PDZD2: variants seen among roughly 807,000 people sequenced by gnomAD.
PDZD2 encodes PDZ domain containing 2.
PDZD2 carries 90 observed loss-of-function variants against 220.7 expected under a neutral mutation model. The observed-to-expected ratio is 0.41, with a 90% CI of 0.34 to 0.49. The LOEUF (loss-of-function observed/expected upper bound fraction) is 0.49, where lower values mean the gene tolerates loss of function less well. Among genes scored for constraint, PDZD2 ranks in the 20% least tolerant of loss-of-function variants. PDZD2 has a pLI of 0.28. For synonymous variants in PDZD2, 1,375 were observed against 1,450.5 expected (o/e 0.95, Z 1.18); for missense variants, 3,174 against 3,608.5 (o/e 0.88, Z 3.08).
chr5:31,981,316 A>G (rs1410296259), intron 2 of PDZD2, among the ~76,000 whole-genome samples: 1 of 151,990 alleles, frequency 6.6e-6, no homozygotes, highest in Non-Finnish European at 1.5e-5. Context: ...TCTCTCCTTT[A>G]ATTAGACAGT....
intron 5 of PDZD2, among the ~76,000 whole-genome samples, chr5:32,007,536 A>G (rs1561330560): frequency 6.6e-6 from 1 of 152,298 alleles, no homozygotes; most frequent in South Asian, 2.1e-4. Context: ...ATCTTCAGGT[A>G]CTTTGAAGGT....
rs1273544773 is a variant in PDZD2, at chr5:32,107,854, A to ATT, written c.8354-114_8354-113dup. 31 of 579,920 alleles carry ATT rather than the reference A, an allele frequency of 5.3e-5. No homozygotes were observed. The East Asian group carries it at 9.2e-4, about 17-fold the overall frequency. The allele number at this position is 579,920 out of a possible 1,614,324, so 35.9% of individuals were successfully genotyped here. On this transcript the variant is annotated intron_variant, in intron 24 of 24. Coordinates refer to ENST00000438447, the MANE Select transcript of PDZD2 (RefSeq NM_178140.4). ...TTTGTGTTCTAAGAAATATTTCTCT[A>ATT]TTCAATAATATATTATTTAGATATT...
chr5:31,868,425 G>A (rs1489473805), intron 2 of PDZD2, among the ~76,000 whole-genome samples: 4 of 152,120 alleles, frequency 2.6e-5, no homozygotes, highest in African/African-American at 9.7e-5. Context: ...CAGCCTGGAC[G>A]ACAGAGCGAG....
chr5:31,824,326 T>A (rs902515733), intron 2 of PDZD2, among the ~76,000 whole-genome samples: 1 of 152,224 alleles, frequency 6.6e-6, no homozygotes, highest in African/African-American at 2.4e-5. Flanking sequence ...TTTGTGGTAA[T>A]TTGTTACGTA....
chr5:31,864,757 T>C (rs1392707441), intron 2 of PDZD2, among the ~76,000 whole-genome samples: 1 of 150,636 alleles, frequency 6.6e-6, no homozygotes, highest in African/African-American at 2.4e-5. Context: ...CCTCAGGTGA[T>C]CTCACCTCAG....
At chr5:31,809,495 G>A (rs10940968) in intron 2 of PDZD2, among the ~76,000 whole-genome samples, 4 of 151,906 alleles carry the variant, frequency 2.6e-5, no homozygotes, top group African/African-American at 9.7e-5. Context: ...CTCAGGAGTC[G>A]CACTAATGAA....
rs538546776 is a variant in PDZD2 at position 31,920,285 on chromosome 5, AAAATAAATAAAAAT to A, written c.477-62858_477-62845del. ...GGTAACAGAGTGAGACCCGGTTTCAAAAATAAATAAAAATAAATAAATAAATAATTTTTTCTGAG... is the reference window on the plus strand; with the variant it reads ...GGTAACAGAGTGAGACCCGGTTTCAAAAATAAATAAATAATTTTTTCTGAG... On this transcript the variant is annotated intron_variant, in intron 2 of 24. Coordinates refer to ENST00000438447, the MANE Select transcript of PDZD2 (RefSeq NM_178140.4). Among the ~76,000 whole-genome samples, 28 of 84,582 alleles carry A rather than the reference AAAATAAATAAAAAT, an allele frequency of 3.3e-4. No homozygotes were observed. The South Asian group carries it at 0.011, about 33-fold the overall frequency. 55.5% of individuals were successfully genotyped at this position (84,582 alleles called of 152,430 possible).
intron 6 of PDZD2, among the ~76,000 whole-genome samples, chr5:32,022,638 C>G (rs1309674136): frequency 6.6e-6 from 1 of 152,056 alleles, no homozygotes; most frequent in Non-Finnish European, 1.5e-5. Context: ...TGGCATTTGA[C>G]TATTCCATAG....
chr5:32,062,063 A>G (rs1408671827), intron 14 of PDZD2, among the ~76,000 whole-genome samples: 3 of 152,170 alleles, frequency 2.0e-5, no homozygotes, highest in Non-Finnish European at 4.4e-5. Context: ...GCCCCACGTT[A>G]GATACTTTTA....
At chr5:32,086,980 C>T (rs115136232) in intron 19 of PDZD2, 151 bp from the exon 20 acceptor site, 55,999 of 567,198 alleles carry the variant, frequency 0.099, 3,436 homozygotes, top group Middle Eastern at 0.19. Flanking sequence ...TGCGCCACCA[C>T]GCCCAGCTTT....
chr5:31,721,780 G>T (rs2150148098), intron 1 of PDZD2, among the ~76,000 whole-genome samples: 1 of 151,640 alleles, frequency 6.6e-6, no homozygotes, highest in East Asian at 1.9e-4. Context: ...TTGCAGTTGT[G>T]TTTGGTCAAT....
chr5:31,860,836 A>G (rs765034625), intron 2 of PDZD2, among the ~76,000 whole-genome samples: 11 of 152,184 alleles, frequency 7.2e-5, no homozygotes, highest in African/African-American at 1.4e-4. Flanking sequence ...CTGTGTGGAT[A>G]ACTGTACAGC....
intron 16 of PDZD2, 38 bp from the exon 17 acceptor site, chr5:32,072,123 G>A: frequency 6.7e-7 from 1 of 1,491,254 alleles, no homozygotes; most frequent in South Asian, 1.2e-5. Context: ...TGCTTCTGCT[G>A]TGTTTTCTTA....
intron 6 of PDZD2, among the ~76,000 whole-genome samples, chr5:32,017,184 C>T (rs758458072): frequency 6.6e-6 from 1 of 152,222 alleles, no homozygotes; most frequent in Admixed American, 6.5e-5. Context: ...CACCTGTAAC[C>T]CCAGCACTTT....
intron 1 of PDZD2, among the ~76,000 whole-genome samples, chr5:31,683,921 C>T (rs1316935045): frequency 2.0e-5 from 3 of 152,104 alleles, no homozygotes; most frequent in Admixed American, 6.5e-5. Flanking sequence ...CACAAATTTA[C>T]ACTCCCACCA....
chr5:31,966,923 G>A (rs890750219), intron 2 of PDZD2, among the ~76,000 whole-genome samples: 9 of 152,166 alleles, frequency 5.9e-5, no homozygotes, highest in South Asian at 2.1e-4. Flanking sequence ...AAAATGCTCC[G>A]TACACTGTAG....
At chr5:31,993,515 CT>C (rs535973570) in intron 3 of PDZD2, among the ~76,000 whole-genome samples, 264 of 152,286 alleles carry the variant, frequency 1.7e-3, no homozygotes, top group African/African-American at 6.1e-3. Flanking sequence ...CAGTTTCTGA[CT>C]GTGTATTTCA....
intron 1 of PDZD2, among the ~76,000 whole-genome samples, chr5:31,671,470 C>G (rs549208753): frequency 5.1e-4 from 77 of 152,248 alleles, no homozygotes; most frequent in African/African-American, 1.8e-3. Context: ...TGGTCAGCAT[C>G]AGGACTGGGA....
chr5:31,728,553 T>C (rs927151108), intron 1 of PDZD2, among the ~76,000 whole-genome samples: 2 of 152,192 alleles, frequency 1.3e-5, no homozygotes, highest in Non-Finnish European at 2.9e-5. Flanking sequence ...GGGGCAAAGA[T>C]GATAGTGACC....
Sources: gnomAD v4.1 joint callset for allele counts (sites outside exome capture counted in the v4.1 genomes callset) on GRCh38, gnomAD v4.1.1 for gene constraint, MANE v1.5 for transcripts, NCBI Gene and HGNC (gene_info 2026-07-23, HGNC 2026-07-21) for gene names.